The following CAMTA1 variants were observed in gnomAD, a reference collection of about 807,000 sequenced individuals.
CAMTA1 encodes calmodulin binding transcription activator 1.
Under a neutral mutation model 170.9 loss-of-function variants are expected in CAMTA1, and 27 were observed. The ratio of observed to expected loss-of-function variants is 0.16; its 90% CI spans 0.12 to 0.22. The LOEUF (loss-of-function observed/expected upper bound fraction) is 0.22. Ranked by LOEUF, CAMTA1 falls within the 10% of genes least tolerant of loss-of-function variation. CAMTA1 has a pLI of 1.00. For synonymous variants in CAMTA1, 833 were observed against 891.5 expected (o/e 0.93, Z 1.17); for missense variants, 1,619 against 2,217.2 (o/e 0.73, Z 5.42).
intron 4 of CAMTA1, among the ~76,000 whole-genome samples, chr1:7,142,441 C>T (rs1008116625): frequency 2.0e-5 from 3 of 152,172 alleles, no homozygotes; most frequent in Non-Finnish European, 4.4e-5. Context: ...AGGTGATGTC[C>T]CCTCTGTGGG....
At chr1:6,834,543 A>G in intron 3 of CAMTA1, 1 of 241,822 alleles carries the variant, frequency 4.1e-6, no homozygotes, top group South Asian at 6.3e-5. Context: ...TGAAGGTGGT[A>G]GGCCTTCACG....
At chr1:7,744,128 CTTTTTT>C (rs60348958) in intron 16 of CAMTA1, among the ~76,000 whole-genome samples, 4 of 84,268 alleles carry the variant, frequency 4.7e-5, no homozygotes, top group Admixed American at 1.5e-4. Context: ...CGCCTGGCCT[CTTTTTT>C]TTTTTTTTTT....
chr1:7,138,125 A>C (rs1645646911), intron 4 of CAMTA1, among the ~76,000 whole-genome samples: 1 of 152,136 alleles, frequency 6.6e-6, no homozygotes, highest in Non-Finnish European at 1.5e-5. Flanking sequence ...AGCTGGGACC[A>C]CTGGTGCGCA....
Position 6,971,886 on chromosome 1 carries a change from A to G in CAMTA1, c.235-119418A>G, listed in dbSNP as rs1235212823. ...TCAGCAAGGCCCGTCAGCCTCCCCA[A>G]AAAGCCAGAGCTGGCCTGGAGAGAG... On this transcript the variant is annotated intron_variant, in intron 3 of 22. Transcript: ENST00000303635. This position sits in a 1 kb window ranked among gnomAD's most constrained non-coding sequence, Gnocchi z 4.6. Among the ~76,000 whole-genome samples the G allele has an allele frequency of 2.6e-5, 4 of 152,324 alleles. No individual in the cohort carries two copies. Among genetic ancestry groups the G allele is most frequent in the Admixed American group, 6.5e-5 (1 of 15,296 alleles).
chr1:7,550,723 C>T (rs1356206915), intron 6 of CAMTA1, among the ~76,000 whole-genome samples: 1 of 150,316 alleles, frequency 6.7e-6, no homozygotes, highest in Non-Finnish European at 1.5e-5. Flanking sequence ...GCCCCTCCCC[C>T]TGACTCCTCC....
chr1:7,644,965 C>T lies in CAMTA1; in HGVS notation c.664+4412C>T, dbSNP rs141998840. On this transcript the variant is annotated intron_variant, in intron 7 of 22. Transcript: ENST00000303635. ...GCCTGGCAATGACTGTCTGAGGCGC[C>T]GTCTGAGGCCTGGAGTTTACAGTAC... 2.6e-5 allele frequency among the ~76,000 whole-genome samples: 4 copies of T among 152,304 alleles called. No homozygotes were observed. The South Asian group carries it at 6.2e-4, about 24-fold the overall frequency.
chr1:7,371,381 T>G (rs2086458111), intron 5 of CAMTA1, among the ~76,000 whole-genome samples: 1 of 152,000 alleles, frequency 6.6e-6, no homozygotes, highest in African/African-American at 2.4e-5. Flanking sequence ...CTCAGCCTCC[T>G]GAGTAGCTGG....
intron 3 of CAMTA1, among the ~76,000 whole-genome samples, chr1:6,926,434 TTTTCTCTTTCTTTCTTTC>T (rs1455322847): frequency 2.4e-5 from 3 of 127,260 alleles, no homozygotes; most frequent in Non-Finnish European, 3.3e-5. Context: ...TCTTTCTTTC[TTTTCTCTTTCTTTCTTTC>T]TTTCTTTCTT....
chr1:7,076,816 C>T (rs1039609551), intron 3 of CAMTA1, among the ~76,000 whole-genome samples: 4 of 152,138 alleles, frequency 2.6e-5, no homozygotes, highest in Non-Finnish European at 4.4e-5. Context: ...CTTCTGAGAC[C>T]GACCTCTACT....
intron 3 of CAMTA1, among the ~76,000 whole-genome samples, chr1:7,024,708 G>T (rs778120314): frequency 1.3e-5 from 2 of 152,140 alleles, no homozygotes; most frequent in African/African-American, 2.4e-5. Context: ...CCCCTCGACA[G>T]GTGCTGCCAA....
At chr1:7,169,978 C>T (rs1649266972) in intron 4 of CAMTA1, among the ~76,000 whole-genome samples, 1 of 152,094 alleles carries the variant, frequency 6.6e-6, no homozygotes, top group South Asian at 2.1e-4. Flanking sequence ...AAAGAACCAA[C>T]TTTTGACTTT....
intron 5 of CAMTA1, among the ~76,000 whole-genome samples, chr1:7,349,722 C>T (rs2084510149): frequency 1.3e-5 from 2 of 152,216 alleles, no homozygotes; most frequent in African/African-American, 4.8e-5. Flanking sequence ...CTCCTGACCT[C>T]ACTTTAACTT....
chr1:7,508,125 A>G (rs959117017), intron 6 of CAMTA1, among the ~76,000 whole-genome samples: 33 of 152,366 alleles, frequency 2.2e-4, no homozygotes, highest in South Asian at 8.3e-4. Flanking sequence ...TGCTGTTGTC[A>G]CATTATAGAT....
rs1681679035 is a variant in CAMTA1 at position 6,920,084 on chromosome 1, A to C, written c.234+94874A>C. ...ATTTCAGCATTAACCCAAAAGTCCA[A>C]GTCCAGAGTCTCATCTGAGACAAGG... is the stretch of plus-strand genomic sequence containing the variant. On this transcript the variant is annotated intron_variant, in intron 3 of 22. Coordinates refer to ENST00000303635, the MANE Select transcript of CAMTA1 (RefSeq NM_015215.4). Among the ~76,000 whole-genome samples the C allele has an allele frequency of 1.3e-5, 2 of 152,166 alleles. 1 individual carries two copies. The highest frequency in any genetic ancestry group is 4.1e-4 in the South Asian group (2 of 4,826).
At chr1:7,702,880 C>G (rs2096457211) in intron 11 of CAMTA1, among the ~76,000 whole-genome samples, 1 of 152,124 alleles carries the variant, frequency 6.6e-6, no homozygotes, top group South Asian at 2.1e-4. Flanking sequence ...GCAAAGCTGG[C>G]AACGGTAGCT....
chr1:7,029,114 CA>C (rs914734504), intron 3 of CAMTA1, among the ~76,000 whole-genome samples: 11 of 152,230 alleles, frequency 7.2e-5, no homozygotes, highest in African/African-American at 2.6e-4. Flanking sequence ...TAGAGGGTAA[CA>C]AGGATTATAG....
At position 7,218,324 on chromosome 1, in the gene CAMTA1, A is replaced by G. The variant is rs560328756; in HGVS notation, c.303-31167A>G. ...GTTGGGATTTTGGGGTAAGTGTCGT[A>G]TTCTCATTTTAGTTTTTTTTCTTTC... On this transcript the variant is annotated intron_variant, in intron 4 of 22. Transcript: ENST00000303635. 5.9e-5 allele frequency among the ~76,000 whole-genome samples: 9 copies of G among 152,212 alleles called. 1 individual carries two copies. In the South Asian group the frequency reaches 1.7e-3, roughly 28 times the overall value.
chr1:7,356,316 G>A lies in CAMTA1; in HGVS notation c.438+106690G>A, dbSNP rs540138212. Among the ~76,000 whole-genome samples the A allele has an allele frequency of 1.1e-4, 16 of 152,360 alleles. No homozygotes were observed. The South Asian group carries it at 1.5e-3, about 14-fold the overall frequency. ...GGGCAGGGCTCAAGTGCCCTTGGCC[G>A]ACAGGCTGGGATGCTGAATTGCACC... On this transcript the variant is annotated intron_variant, in intron 5 of 22. Transcript: ENST00000303635.
chr1:7,109,170 C>T (rs1643873135), intron 4 of CAMTA1, among the ~76,000 whole-genome samples: 1 of 152,230 alleles, frequency 6.6e-6, no homozygotes, highest in Admixed American at 6.5e-5. Flanking sequence ...AAGTGACATC[C>T]TTTCATTTTG....
Sources: allele counts gnomAD v4.1 joint callset (sites outside exome capture counted in the v4.1 genomes callset), GRCh38; gene constraint gnomAD v4.1.1; non-coding constraint Gnocchi (gnomAD v3.1); transcripts MANE v1.5; gene names NCBI Gene and HGNC (gene_info 2026-07-23, HGNC 2026-07-21).